G3BP1: variants seen among roughly 807,000 people sequenced by gnomAD.
The protein encoded by G3BP1 is ras GTPase-activating protein-binding protein 1.
Under a neutral mutation model 58.6 loss-of-function variants are expected in G3BP1, and 35 were observed. That is an observed-to-expected ratio of 0.60 (90% CI 0.46 to 0.79). The LOEUF (loss-of-function observed/expected upper bound fraction) is 0.79. G3BP1 is among the 30% of genes least tolerant of loss of function. G3BP1 has a pLI of 0.00. For synonymous variants in G3BP1, 191 were observed against 195.4 expected (o/e 0.98, Z 0.19); for missense variants, 523 against 580.8 (o/e 0.90, Z 1.02).
rs1340793140 is a variant in G3BP1 at position 151,811,149 on chromosome 5, T to C, written c.*7058T>C. 6.6e-6 allele frequency: 1 copy of C among 152,200 alleles called. No homozygotes were observed. The highest frequency in any genetic ancestry group is 1.5e-5 in the Non-Finnish European group (1 of 68,036). 9.4% of individuals were successfully genotyped at this position (152,200 alleles called of 1,614,324 possible). A position where few individuals can be genotyped will look rare whatever the true frequency, so the allele number is the denominator to read the frequency against. On this transcript the variant is annotated 3_prime_UTR_variant, in exon 12 of 12. Transcript: ENST00000356245. ...TTCCTCACCTATGTAATTTCAGTAG[T>C]CTCTCAGCTTCACTTAACCTCTTAC...
chr5:151,803,119 A>G lies in G3BP1; in HGVS notation c.1195-766A>G, dbSNP rs376579161. 2.0e-4 allele frequency among the ~76,000 whole-genome samples: 30 copies of G among 152,322 alleles called. No homozygotes were observed. In the East Asian group the frequency reaches 3.5e-3, roughly 18 times the overall value. ...TTAGGAGGAAACGAAGGCCAAGACT[A>G]TCCAAAATTCTCAGGAGGTGTTAAA... is the stretch of plus-strand genomic sequence containing the variant. On this transcript the variant is annotated intron_variant, in intron 11 of 11. Coordinates refer to ENST00000356245, the MANE Select transcript of G3BP1 (RefSeq NM_005754.3).
rs1762954894 is a variant in G3BP1 at position 151,807,552 on chromosome 5, GGTTT to G, written c.*3466_*3469del. On this transcript the variant is annotated 3_prime_UTR_variant, in exon 12 of 12. Transcript: ENST00000356245. ...TTATATATGGTAACACAATAATGGT[GGTTT>G]GTTTTTAAGTTTTTTCTCATCAGGT... 1 of 152,036 alleles carries G rather than the reference GGTTT, an allele frequency of 6.6e-6. No homozygotes were observed. Among genetic ancestry groups the G allele is most frequent in the South Asian group, 2.1e-4 (1 of 4,822 alleles). The allele number at this position is 152,036 out of a possible 1,614,324, so 9.4% of individuals were successfully genotyped here. A position where few individuals can be genotyped will look rare whatever the true frequency, so the allele number is the denominator to read the frequency against.
chr5:151,809,142 C>G lies in G3BP1; in HGVS notation c.*5051C>G, dbSNP rs921585802. The G allele has an allele frequency of 6.6e-6, 1 of 152,150 alleles. No homozygotes were observed. The highest frequency in any genetic ancestry group is 2.4e-5 in the African/African-American group (1 of 41,414). 9.4% of individuals were successfully genotyped at this position (152,150 alleles called of 1,614,324 possible). ...AGTGAGTTATGATCATACCACTGCA[C>G]TCTAACCTGGGTGACAGAGTGAGAC... is the stretch of plus-strand genomic sequence containing the variant. On this transcript the variant is annotated 3_prime_UTR_variant, in exon 12 of 12. Coordinates refer to ENST00000356245, the MANE Select transcript of G3BP1 (RefSeq NM_005754.3).
rs535903963 is a variant in G3BP1 at position 151,808,524 on chromosome 5, C to T, written c.*4433C>T. 1.1e-4 allele frequency: 16 copies of T among 152,294 alleles called. No individual in the cohort carries two copies. The highest frequency in any genetic ancestry group is 9.8e-4 in the Admixed American group (15 of 15,306). The allele number at this position is 152,294 out of a possible 1,614,324, so 9.4% of individuals were successfully genotyped here. A position where few individuals can be genotyped will look rare whatever the true frequency, so the allele number is the denominator to read the frequency against. On this transcript the variant is annotated 3_prime_UTR_variant, in exon 12 of 12. Transcript: ENST00000356245. ...TGGATTCGTCTTCTCTCCACAGTTT[C>T]TACTTGAACCTAGTAGCTTATTTTA...
In G3BP1 at chr5:151,799,895, C is replaced by G; in HGVS notation, c.850C>G (p.Pro284Ala). Residue 284 changes from proline (P) to alanine (A), a missense_variant, in exon 9 of 12, where the codon CCA becomes GCA. Coordinates refer to ENST00000356245, the MANE Select transcript of G3BP1 (RefSeq NM_005754.3). ...VVKVPASQPR[P>A]ESKPESQIPP... ...TTAACTTAAAATTTTTCAGCCCCGT[C>G]CAGAGTCTAAGCCTGAATCTCAGAT... is the stretch of plus-strand genomic sequence containing the variant. The G allele has an allele frequency of 6.2e-7, 1 of 1,601,464 alleles. No individual in the cohort carries two copies. Among genetic ancestry groups the G allele is most frequent in the South Asian group, 1.1e-5 (1 of 90,350 alleles).
chr5:151,776,611 T>A (rs1762375361), intron 1 of G3BP1, among the ~76,000 whole-genome samples: 1 of 152,222 alleles, frequency 6.6e-6, no homozygotes, highest in Non-Finnish European at 1.5e-5. Flanking sequence ...ATAAATTTTC[T>A]GTGAGGAAGA....
At chr5:151,780,968 C>T (rs760846604) in intron 1 of G3BP1, among the ~76,000 whole-genome samples, 6 of 151,938 alleles carry the variant, frequency 3.9e-5, no homozygotes, top group Non-Finnish European at 7.4e-5. Flanking sequence ...CATGAACAAA[C>T]GTGGGTATGA....
Position 151,811,580 on chromosome 5 carries a change from C to T in G3BP1, c.*7489C>T, listed in dbSNP as rs1222127935. 2 of 151,758 alleles carry T rather than the reference C, an allele frequency of 1.3e-5. No homozygotes were observed. The highest frequency in any genetic ancestry group is 2.9e-5 in the Non-Finnish European group (2 of 68,000). The allele number at this position is 151,758 out of a possible 1,614,324, so 9.4% of individuals were successfully genotyped here. Reference sequence around the variant, plus strand: ...GGTTCAATAAATATACTTTTATATACATGTTTCACAGAAATTTTACATTCC... The same window carrying T: ...GGTTCAATAAATATACTTTTATATATATGTTTCACAGAAATTTTACATTCC... On this transcript the variant is annotated 3_prime_UTR_variant, in exon 12 of 12. Transcript: ENST00000356245.
intron 2 of G3BP1, chr5:151,787,817 G>A: frequency 3.4e-6 from 1 of 297,724 alleles, no homozygotes; most frequent in Non-Finnish European, 6.8e-6. Flanking sequence ...ATTTATGAAT[G>A]TATTCAATAT....
intron 5 of G3BP1, 72 bp downstream of exon 5, chr5:151,794,321 A>G (rs1043464899): frequency 6.2e-6 from 5 of 801,586 alleles, no homozygotes; most frequent in South Asian, 2.8e-5. Flanking sequence ...TTAAGAGACT[A>G]TGGGTTTCTT....
chr5:151,787,698 T>C (rs57723600), intron 2 of G3BP1: 40,420 of 225,836 alleles, frequency 0.18, 4,260 homozygotes, highest in African/African-American at 0.29. Flanking sequence ...GTTAGAATAA[T>C]TTCATAGAAG....
rs1581577538 is a variant in G3BP1, at chr5:151,790,538, A to G, written c.177+134A>G. ...TTTTTAGTAAAAGTTGATGTGTTTT[A>G]TTACTATTTGATTAATATATTTGTT... is the stretch of plus-strand genomic sequence containing the variant. On this transcript the variant is annotated intron_variant, in intron 3 of 11. Coordinates refer to ENST00000356245, the MANE Select transcript of G3BP1 (RefSeq NM_005754.3). The G allele has an allele frequency of 2.2e-5, 11 of 508,404 alleles. 1 individual carries two copies. The South Asian group carries it at 3.1e-4, about 14-fold the overall frequency. The allele number at this position is 508,404 out of a possible 1,614,324, so 31.5% of individuals were successfully genotyped here. A position where few individuals can be genotyped will look rare whatever the true frequency, so the allele number is the denominator to read the frequency against.
At chr5:151,797,467 A>AT (rs780577312) in intron 7 of G3BP1, 39 bp downstream of exon 7, 58 of 1,551,944 alleles carry the variant, frequency 3.7e-5, no homozygotes, top group South Asian at 1.7e-4. Flanking sequence ...ATTCCTAGTT[A>AT]TTTTTTTTAA....
rs1037245267 is a variant in G3BP1, at chr5:151,805,270, T to G, written c.*1179T>G. 1 of 152,596 alleles carries G rather than the reference T, an allele frequency of 6.6e-6. No individual in the cohort carries two copies. Among genetic ancestry groups the G allele is most frequent in the Admixed American group, 6.5e-5 (1 of 15,272 alleles). 9.5% of individuals were successfully genotyped at this position (152,596 alleles called of 1,614,324 possible). On this transcript the variant is annotated 3_prime_UTR_variant, in exon 12 of 12. Transcript: ENST00000356245. The stretch of plus-strand genomic sequence containing the variant: ...ATATGGTAAATTTTCTATTTTGTTA[T>G]GGTTCTCTTTTATTGATGGGCATGC...
chr5:151,811,143 C>G lies in G3BP1; in HGVS notation c.*7052C>G, dbSNP rs1561540510. 6.6e-6 allele frequency: 1 copy of G among 152,192 alleles called. No homozygotes were observed. The highest frequency in any genetic ancestry group is 1.9e-4 in the East Asian group (1 of 5,204). The allele number at this position is 152,192 out of a possible 1,614,324, so 9.4% of individuals were successfully genotyped here. On this transcript the variant is annotated 3_prime_UTR_variant, in exon 12 of 12. Transcript: ENST00000356245. ...TCTTTCTTCCTCACCTATGTAATTT[C>G]AGTAGTCTCTCAGCTTCACTTAACC...
chr5:151,790,292 A>T, intron 2 of G3BP1, 31 bp from the exon 3 acceptor site: 1 of 1,169,344 alleles, frequency 8.6e-7, no homozygotes, highest in Non-Finnish European at 1.2e-6. Context: ...ATACTTGAAG[A>T]TGACAAGTAA....
At chr5:151,786,065 G>A (rs1376781274) in intron 1 of G3BP1, among the ~76,000 whole-genome samples, 1 of 152,132 alleles carries the variant, frequency 6.6e-6, no homozygotes. Flanking sequence ...AGGCTGAGGC[G>A]GGCAGATCAT....
chr5:151,776,835 G>A (rs1226863248), intron 1 of G3BP1, among the ~76,000 whole-genome samples: 2 of 150,764 alleles, frequency 1.3e-5, no homozygotes, highest in Non-Finnish European at 2.9e-5. Flanking sequence ...TCAAAGTGCT[G>A]GGATTACAGG....
At chr5:151,791,456 C>T (rs1762650965) in intron 4 of G3BP1, 1 of 170,304 alleles carries the variant, frequency 5.9e-6, no homozygotes, top group South Asian at 1.3e-4. Context: ...GCTATCATGT[C>T]TCTAGTCTCT....
Sources: allele counts gnomAD v4.1 joint callset (sites outside exome capture counted in the v4.1 genomes callset), GRCh38; gene constraint gnomAD v4.1.1; transcripts MANE v1.5; gene names NCBI Gene and HGNC (gene_info 2026-07-23, HGNC 2026-07-21).